ARHGAP28: variants seen among roughly 807,000 people sequenced by gnomAD.
ARHGAP28 encodes the protein rho GTPase-activating protein 28.
ARHGAP28 carries 56 observed loss-of-function variants against 90.7 expected under a neutral mutation model. The ratio of observed to expected loss-of-function variants is 0.62; its 90% CI spans 0.50 to 0.77. ARHGAP28 has a LOEUF of 0.77. Ranked by LOEUF, ARHGAP28 falls within the 30% of genes least tolerant of loss-of-function variation. The probability of loss-of-function intolerance (pLI) is 0.00; values close to 1 mark genes in which losing one functional copy is unlikely to be tolerated. For synonymous variants in ARHGAP28, 308 were observed against 323.3 expected, an observed-to-expected ratio of 0.95 and a Z score of 0.51; for missense variants, 869 against 900.9, an observed-to-expected ratio of 0.96 and a Z score of 0.45.
chr18:6,733,255 T>C (rs969259089), intron 1 of ARHGAP28, among the ~76,000 whole-genome samples: 1 of 152,180 alleles, frequency 6.6e-6, no homozygotes, highest in Non-Finnish European at 1.5e-5. Context: ...TCAGAATGTA[T>C]AAATTAATAT....
intron 1 of ARHGAP28, among the ~76,000 whole-genome samples, chr18:6,819,345 A>T (rs2056611782): frequency 6.6e-6 from 1 of 152,176 alleles, no homozygotes; most frequent in Non-Finnish European, 1.5e-5. Context: ...ATAAATATAA[A>T]AATCTATATT....
intron 5 of ARHGAP28, among the ~76,000 whole-genome samples, chr18:6,866,030 C>T (rs905001751): frequency 2.6e-5 from 4 of 152,202 alleles, no homozygotes; most frequent in Admixed American, 6.5e-5. Context: ...CGATGCTAGT[C>T]GTAATATAAT....
chr18:6,756,936 T>C (rs554770769), intron 1 of ARHGAP28, among the ~76,000 whole-genome samples: 1 of 152,312 alleles, frequency 6.6e-6, no homozygotes, highest in East Asian at 1.9e-4. Context: ...GTTGATTGGA[T>C]GGTGCCCACC....
At chr18:6,735,604 G>A (rs943472324) in intron 1 of ARHGAP28, among the ~76,000 whole-genome samples, 2 of 151,462 alleles carry the variant, frequency 1.3e-5, no homozygotes, top group African/African-American at 4.9e-5. Flanking sequence ...ATCCAGGCTG[G>A]AGTGTAGTGG....
Position 6,729,942 on chromosome 18 carries a change from A to C in ARHGAP28, c.121A>C (p.Arg41=). Residue 41 remains arginine, a splice_region_variant and synonymous_variant, in exon 1 of 18, where the codon AGA becomes CGA. Coordinates refer to ENST00000383472, the MANE Select transcript of ARHGAP28 (RefSeq NM_001366230.1). ...CGCCGCAGCCAGCCACCCGCTCAGC[A>C]GGTACCCGGAGCCGCTCCCACCAGG... is the stretch of plus-strand genomic sequence containing the variant. ...PRAAASHPLS[R]KSIPRCRRIN... is the part of the protein sequence containing the mutation. The C allele has an allele frequency of 2.9e-6, 4 of 1,370,548 alleles. No individual in the cohort carries two copies. In the South Asian group the frequency reaches 6.9e-5, roughly 24 times the overall value. 84.9% of individuals were successfully genotyped at this position (1,370,548 alleles called of 1,614,324 possible).
At chr18:6,843,011 T>A (rs893172240) in intron 3 of ARHGAP28, among the ~76,000 whole-genome samples, 1 of 152,242 alleles carries the variant, frequency 6.6e-6, no homozygotes, top group African/African-American at 2.4e-5. Flanking sequence ...AAAAGACATG[T>A]ACATATGGTA....
intron 1 of ARHGAP28, among the ~76,000 whole-genome samples, chr18:6,794,832 G>A (rs2056430221): frequency 6.6e-6 from 1 of 151,974 alleles, no homozygotes; most frequent in Non-Finnish European, 1.5e-5. Flanking sequence ...ACAGGTACAC[G>A]CCACCACTCC....
chr18:6,799,787 C>G (rs1249738061), intron 1 of ARHGAP28, among the ~76,000 whole-genome samples: 1 of 152,174 alleles, frequency 6.6e-6, no homozygotes, highest in African/African-American at 2.4e-5. Context: ...CAATGTCATT[C>G]AGGACATAGG....
intron 1 of ARHGAP28, among the ~76,000 whole-genome samples, chr18:6,809,563 C>G (rs780704537): frequency 1.3e-5 from 2 of 152,084 alleles, no homozygotes; most frequent in Non-Finnish European, 2.9e-5. Context: ...GAAGCAGGCA[C>G]ATATTTACAT....
At chr18:6,731,120 A>G (rs1462351943) in intron 1 of ARHGAP28, among the ~76,000 whole-genome samples, 1 of 146,038 alleles carries the variant, frequency 6.8e-6, no homozygotes, top group Non-Finnish European at 1.5e-5. Context: ...TTATATAAAG[A>G]CAGTGGGAAA....
At chr18:6,826,926 A>C (rs1273002976) in intron 2 of ARHGAP28, among the ~76,000 whole-genome samples, 1 of 152,106 alleles carries the variant, frequency 6.6e-6, no homozygotes, top group African/African-American at 2.4e-5. Flanking sequence ...CTGTTTAACA[A>C]AGCACATCTT....
intron 7 of ARHGAP28, 140 bp from the exon 8 acceptor site, chr18:6,873,269 G>A: frequency 1.5e-6 from 1 of 687,938 alleles, no homozygotes; most frequent in East Asian, 2.7e-5. Flanking sequence ...CATATTTCTA[G>A]GATGCAGCAT....
At chr18:6,846,539 T>G (rs2143188718) in intron 3 of ARHGAP28, among the ~76,000 whole-genome samples, 1 of 152,264 alleles carries the variant, frequency 6.6e-6, no homozygotes, top group East Asian at 1.9e-4. Context: ...TCTATTTTTT[T>G]TTCTAATTCA....
intron 5 of ARHGAP28, among the ~76,000 whole-genome samples, chr18:6,867,236 G>A (rs1052058591): frequency 3.3e-5 from 5 of 152,194 alleles, no homozygotes; most frequent in Middle Eastern, 3.4e-3. Context: ...ACCCCTTTGC[G>A]CAACTTGTAG....
chr18:6,842,770 T>G (rs1242994717), intron 3 of ARHGAP28, among the ~76,000 whole-genome samples: 1 of 152,114 alleles, frequency 6.6e-6, no homozygotes, highest in Non-Finnish European at 1.5e-5. Context: ...TGGTGAAGTG[T>G]GTTTACTGTC....
At position 6,907,394 on chromosome 18, in the gene ARHGAP28, G is replaced by GAA. The variant is rs201812761; in HGVS notation, c.2031-1552_2031-1551dup. On this transcript the variant is annotated intron_variant, in intron 16 of 17. Coordinates refer to ENST00000383472, the MANE Select transcript of ARHGAP28 (RefSeq NM_001366230.1). ...GCTTTATTTGTACAGTCAAAAACTG[G>GAA]AAAAAAAAAAAAAAAGCCTAGGTGT... 5.1e-3 allele frequency among the ~76,000 whole-genome samples: 693 copies of GAA among 136,834 alleles called. 3 individuals are homozygous for GAA. The highest frequency in any genetic ancestry group is 0.01 in the African/African-American group (388 of 37,008). 89.8% of individuals were successfully genotyped at this position (136,834 alleles called of 152,430 possible).
chr18:6,878,178 A>T (rs1423830493), intron 10 of ARHGAP28, among the ~76,000 whole-genome samples: 5 of 152,134 alleles, frequency 3.3e-5, no homozygotes, highest in Non-Finnish European at 7.4e-5. Context: ...AAAAATGATG[A>T]GTTCATGTCC....
At chr18:6,894,156 C>A (rs571318148) in intron 14 of ARHGAP28, among the ~76,000 whole-genome samples, 1 of 152,244 alleles carries the variant, frequency 6.6e-6, no homozygotes, top group African/African-American at 2.4e-5. Context: ...CATGAGCCAC[C>A]ATGCCCAGCC....
At chr18:6,870,442 G>T in intron 6 of ARHGAP28, 148 bp from the exon 7 acceptor site, 2 of 730,360 alleles carry the variant, frequency 2.7e-6, no homozygotes, top group East Asian at 2.8e-5. Context: ...TGAACTCCTC[G>T]GGGTGAGTCT....
Sources: gnomAD v4.1 joint callset for allele counts (sites outside exome capture counted in the v4.1 genomes callset) on GRCh38, gnomAD v4.1.1 for gene constraint, MANE v1.5 for transcripts, NCBI Gene and HGNC (gene_info 2026-07-23, HGNC 2026-07-21) for gene names.